Variants in PCDHGA6 observed in about 807,000 individuals in gnomAD.
PCDHGA6 encodes the protein protocadherin gamma subfamily A, 6, also known as protocadherin gamma-A6.
PCDHGA6 carries 41 observed loss-of-function variants against 60.6 expected under a neutral mutation model. That is an observed-to-expected ratio of 0.68 (90% confidence interval 0.53 to 0.88). PCDHGA6 has a LOEUF of 0.88. Ranked by LOEUF, PCDHGA6 falls within the 40% of genes least tolerant of loss-of-function variation. The pLI, the probability that PCDHGA6 is intolerant of heterozygous loss-of-function variation, is 0.00. For synonymous variants in PCDHGA6, 594 were observed against 524.4 expected, an observed-to-expected ratio of 1.13 and a Z score of -1.81; for missense variants, 1,312 against 1,203.0, an observed-to-expected ratio of 1.09 and a Z score of -1.34.
At chr5:141,458,988 C>T (rs996478276) in intron 1 of PCDHGA6, among the ~76,000 whole-genome samples, 1 of 152,208 alleles carries the variant, frequency 6.6e-6, no homozygotes, top group South Asian at 2.1e-4. Context: ...CTGCCTCACC[C>T]TCCCAAAGTG....
intron 1 of PCDHGA6, chr5:141,410,288 T>G: frequency 6.2e-7 from 1 of 1,614,044 alleles, no homozygotes; most frequent in Non-Finnish European, 8.5e-7. Context: ...GGTGGTGGCC[T>G]TGGCCTTAAT....
At chr5:141,391,398 A>G (rs924962931) in intron 1 of PCDHGA6, 11 of 151,014 alleles carry the variant, frequency 7.3e-5, no homozygotes, top group Middle Eastern at 3.4e-3. Flanking sequence ...CTCCAGCCTC[A>G]AACTCCTGGG....
Position 141,476,140 on chromosome 5 carries a change from C to G in PCDHGA6, c.2425-18667C>G. On this transcript the variant is annotated intron_variant, in intron 1 of 3. Coordinates refer to ENST00000517434, the MANE Select transcript of PCDHGA6 (RefSeq NM_018919.3). This position sits in a 1 kb window ranked among gnomAD's most constrained non-coding sequence, Gnocchi z 7.6. ...AGATGGTCCCAGAGGCCTGGAGGAGCGGACTGGTAAGCACCGGGAGGGTAG... is the reference window on the plus strand; with the variant it reads ...AGATGGTCCCAGAGGCCTGGAGGAGGGGACTGGTAAGCACCGGGAGGGTAG... The G allele has an allele frequency of 2.5e-6, 4 of 1,609,222 alleles. No individual in the cohort carries two copies. Among genetic ancestry groups the G allele is most frequent in the Non-Finnish European group, 1.7e-6 (2 of 1,178,484 alleles).
chr5:141,385,110 C>G (rs1315178545), intron 1 of PCDHGA6: 2 of 1,614,194 alleles, frequency 1.2e-6, no homozygotes, highest in South Asian at 2.2e-5. Flanking sequence ...ACGTGCCCAC[C>G]TCGCACTTTG....
intron 1 of PCDHGA6, among the ~76,000 whole-genome samples, chr5:141,456,187 A>G (rs989106132): frequency 3.9e-5 from 6 of 152,084 alleles, no homozygotes; most frequent in African/African-American, 1.4e-4. Flanking sequence ...TAATTTCTTA[A>G]TAACTCCTAC....
chr5:141,377,724 A>G (rs549902283), intron 1 of PCDHGA6: 1 of 152,362 alleles, frequency 6.6e-6, no homozygotes, highest in South Asian at 2.1e-4. Flanking sequence ...TTTTGAAAAG[A>G]TAAGAATCAT....
At chr5:141,400,777 T>G (rs2094073733) in intron 1 of PCDHGA6, 1 of 565,634 alleles carries the variant, frequency 1.8e-6, no homozygotes. Context: ...ATTTGGTGCG[T>G]TTTTTTGTCC....
chr5:141,388,372 G>C (rs1040306905), intron 1 of PCDHGA6: 5 of 1,613,966 alleles, frequency 3.1e-6, no homozygotes, highest in Non-Finnish European at 4.2e-6. Context: ...GCGGATATTG[G>C]TAGCAACACA....
In PCDHGA6 at chr5:141,489,720, G is replaced by A. The variant is rs560729125; in HGVS notation, c.2425-5087G>A. ...TCCCACTGGACAGTGCCCAGGATCC[G>A]GATGTGGGCACCAATACTGTGAGCT... On this transcript the variant is annotated intron_variant, in intron 1 of 3. Transcript: ENST00000517434. The surrounding 1 kb of genome is among the most constrained non-coding windows in gnomAD (Gnocchi z 4.5). The A allele has an allele frequency of 3.2e-5, 51 of 1,614,200 alleles. No individual in the cohort carries two copies. The highest frequency in any genetic ancestry group is 9.3e-5 in the African/African-American group (7 of 75,048).
At chr5:141,395,374 T>A in intron 1 of PCDHGA6, 1 of 1,187,898 alleles carries the variant, frequency 8.4e-7, no homozygotes. Context: ...ATTTTGGTGG[T>A]GTTACTATAA....
chr5:141,401,508 C>G (rs2094162050), intron 1 of PCDHGA6, among the ~76,000 whole-genome samples: 1 of 152,302 alleles, frequency 6.6e-6, no homozygotes, highest in East Asian at 1.9e-4. Flanking sequence ...TTTTCCACCT[C>G]TATATAATTA....
chr5:141,477,301 C>T lies in PCDHGA6; in HGVS notation c.2425-17506C>T, dbSNP rs756549446. The T allele has an allele frequency of 6.2e-7, 1 of 1,614,160 alleles. No homozygotes were observed. Among genetic ancestry groups the T allele is most frequent in the East Asian group, 2.2e-5 (1 of 44,872 alleles). Reference sequence around the variant, plus strand: ...TGACCTGCGAAGTTCCACCGGGTCTCCCTTTCAGCCTTACTTCTTCCCTCA... The same window carrying T: ...TGACCTGCGAAGTTCCACCGGGTCTTCCTTTCAGCCTTACTTCTTCCCTCA... On this transcript the variant is annotated intron_variant, in intron 1 of 3. Coordinates refer to ENST00000517434, the MANE Select transcript of PCDHGA6 (RefSeq NM_018919.3). The surrounding 1 kb of genome is among the most constrained non-coding windows in gnomAD (Gnocchi z 4.9).
At chr5:141,498,980 GGAAGGAA>G in intron 2 of PCDHGA6, among the ~76,000 whole-genome samples, 1 of 44,970 alleles carries the variant, frequency 2.2e-5, no homozygotes, top group South Asian at 1.0e-3. Context: ...AGGGAAGGAA[GGAAGGAA>G]GGAAGGAAGG....
chr5:141,431,450 A>T lies in PCDHGA6; in HGVS notation c.2424+54943A>T, dbSNP rs1468567743. 1 of 1,613,740 alleles carries T rather than the reference A, an allele frequency of 6.2e-7. No homozygotes were observed. Among genetic ancestry groups the T allele is most frequent in the Admixed American group, 1.7e-5 (1 of 60,032 alleles). ...CACAGGCACCGCGCGCATCCGCGTG[A>T]TGGTTCTGGATGCGAACGACAACGC... On this transcript the variant is annotated intron_variant, in intron 1 of 3. Transcript: ENST00000517434. This position sits in a 1 kb window ranked among gnomAD's most constrained non-coding sequence, Gnocchi z 4.8.
chr5:141,495,221 G>A lies in PCDHGA6; in HGVS notation c.2483+356G>A, dbSNP rs376660961. On this transcript the variant is annotated intron_variant, in intron 2 of 3. Coordinates refer to ENST00000517434, the MANE Select transcript of PCDHGA6 (RefSeq NM_018919.3). ...ACTGCCTAACCCCCTCCCCTGAGTT[G>A]AGCTGGGCTCCATTATGACCTGGGG... Among the ~76,000 whole-genome samples, 26 of 152,300 alleles carry A rather than the reference G, an allele frequency of 1.7e-4. 1 individual carries two copies. The East Asian group carries it at 4.4e-3, about 26-fold the overall frequency.
In PCDHGA6 at chr5:141,431,544, T is replaced by C. The variant is rs1409551731; in HGVS notation, c.2424+55037T>C. 1.2e-6 allele frequency: 2 copies of C among 1,614,152 alleles called. No individual in the cohort carries two copies. The highest frequency in any genetic ancestry group is 2.2e-5 in the South Asian group (2 of 91,092). ...AATCTGGCCTTGGGCACGCAGCTGC[T>C]TGTAGTCAACGCTACCGACCCTGAC... On this transcript the variant is annotated intron_variant, in intron 1 of 3. Coordinates refer to ENST00000517434, the MANE Select transcript of PCDHGA6 (RefSeq NM_018919.3). The surrounding 1 kb of genome is among the most constrained non-coding windows in gnomAD (Gnocchi z 4.8).
rs751153896 is a variant in PCDHGA6, at chr5:141,477,514, T to C, written c.2425-17293T>C. On this transcript the variant is annotated intron_variant, in intron 1 of 3. Transcript: ENST00000517434. The surrounding 1 kb of genome is among the most constrained non-coding windows in gnomAD (Gnocchi z 4.9). ...CTCAATCTTCCTACGACGTTTACAT[T>C]GAAGAAAACAACCTCCCCGGGGCTC... is the stretch of plus-strand genomic sequence containing the variant. 2 of 1,614,114 alleles carry C rather than the reference T, an allele frequency of 1.2e-6. No individual in the cohort carries two copies. The highest frequency in any genetic ancestry group is 2.2e-5 in the East Asian group (1 of 44,878).
rs530054362 is a variant in PCDHGA6 at position 141,486,066 on chromosome 5, C to G, written c.2425-8741C>G. ...AGAAACCTCTTTAGCCTGCACCCCACTACTGGAAAGCTTACTCTTTTGGGG... is the reference window on the plus strand; with the variant it reads ...AGAAACCTCTTTAGCCTGCACCCCAGTACTGGAAAGCTTACTCTTTTGGGG... On this transcript the variant is annotated intron_variant, in intron 1 of 3. Coordinates refer to ENST00000517434, the MANE Select transcript of PCDHGA6 (RefSeq NM_018919.3). This position sits in a 1 kb window ranked among gnomAD's most constrained non-coding sequence, Gnocchi z 5.0. The G allele has an allele frequency of 3.1e-6, 5 of 1,614,166 alleles. No homozygotes were observed. In the African/African-American group the frequency reaches 5.3e-5, roughly 17 times the overall value.
chr5:141,478,509 G>C, intron 1 of PCDHGA6: 1 of 1,611,878 alleles, frequency 6.2e-7, no homozygotes, highest in Non-Finnish European at 8.5e-7. Context: ...GTGTTCTATA[G>C]GCAGGTGTTG....
Sources: allele counts gnomAD v4.1 joint callset (sites outside exome capture counted in the v4.1 genomes callset), GRCh38; gene constraint gnomAD v4.1.1; non-coding constraint Gnocchi (gnomAD v3.1); transcripts MANE v1.5; gene names NCBI Gene and HGNC (gene_info 2026-07-23, HGNC 2026-07-21).